XKR6: variants seen among roughly 807,000 people sequenced by gnomAD.
The protein encoded by XKR6 is XK related 6.
XKR6 carries 22 observed loss-of-function variants against 56.7 expected under a neutral mutation model. The ratio of observed to expected loss-of-function variants is 0.39; its 90% CI spans 0.28 to 0.55. XKR6 has a LOEUF of 0.55. XKR6 is among the 20% of genes least tolerant of loss of function. The pLI, the probability that XKR6 is intolerant of heterozygous loss-of-function variation, is 0.66. For missense variants in XKR6, 852 were observed against 889.0 expected (o/e 0.96, Z 0.53); for synonymous variants, 524 against 387.8 (o/e 1.35, Z -4.13).
chr8:10,993,994 A>G (rs1798053605), intron 1 of XKR6, among the ~76,000 whole-genome samples: 2 of 152,138 alleles, frequency 1.3e-5, no homozygotes, highest in Non-Finnish European at 2.9e-5. Flanking sequence ...CATGAGGCCT[A>G]TATCCTGTTT....
chr8:11,094,181 C>CG (rs1373110650), intron 1 of XKR6, among the ~76,000 whole-genome samples: 2 of 150,954 alleles, frequency 1.3e-5, no homozygotes, highest in African/African-American at 4.9e-5. Flanking sequence ...TTTAAAAAGA[C>CG]TTTCCATAAG....
chr8:10,998,929 G>T (rs1798176246), intron 1 of XKR6, among the ~76,000 whole-genome samples: 1 of 152,202 alleles, frequency 6.6e-6, no homozygotes, highest in African/African-American at 2.4e-5. Context: ...GACCAACTGT[G>T]TAGCCTGAGA....
intron 1 of XKR6, among the ~76,000 whole-genome samples, chr8:11,143,224 A>C (rs74485156): frequency 0.056 from 8,555 of 152,316 alleles, 316 homozygotes; most frequent in South Asian, 0.096. Context: ...CAGACGATAC[A>C]CATTCTGATA....
At position 11,045,126 on chromosome 8, in the gene XKR6, G is replaced by A. The variant is rs564877552; in HGVS notation, c.765-120296C>T. ...TTTTTTGAGGAAGTGTCGCTCTGTC[G>A]CCCAGGCCGGAGTGCAGTGGCACGA... On this transcript the variant is annotated intron_variant, in intron 1 of 2. Coordinates refer to ENST00000416569, the MANE Select transcript of XKR6 (RefSeq NM_173683.4). Among the ~76,000 whole-genome samples, 35 of 107,210 alleles carry A rather than the reference G, an allele frequency of 3.3e-4. 1 individual carries two copies. In the South Asian group the frequency reaches 9.1e-3, roughly 28 times the overall value. 70.3% of individuals were successfully genotyped at this position (107,210 alleles called of 152,430 possible).
intron 1 of XKR6, among the ~76,000 whole-genome samples, chr8:10,936,053 C>G (rs1016831172): frequency 6.6e-6 from 1 of 150,532 alleles, no homozygotes; most frequent in Non-Finnish European, 1.5e-5. Context: ...TTGTAGGTCA[C>G]TCAGGACTTG....
In XKR6 at chr8:11,069,604, G is replaced by A. The variant is rs76709726; in HGVS notation, c.764+130972C>T. On this transcript the variant is annotated intron_variant, in intron 1 of 2. Transcript: ENST00000416569. The stretch of plus-strand genomic sequence containing the variant: ...CCCTGCCCCCAAGCTGAGCATAAAA[G>A]AAAGCACCCTAGAGTGCCATCAGCC... Among the ~76,000 whole-genome samples the A allele has an allele frequency of 2.6e-4, 40 of 152,160 alleles. No individual in the cohort carries two copies. The East Asian group carries it at 7.7e-3, about 29-fold the overall frequency.
chr8:10,907,051 A>C (rs1038452825), intron 2 of XKR6, among the ~76,000 whole-genome samples: 1 of 152,148 alleles, frequency 6.6e-6, no homozygotes, highest in Non-Finnish European at 1.5e-5. Context: ...CATCTCAGAA[A>C]AAAAAAAGAA....
chr8:11,033,117 T>C (rs1018776142), intron 1 of XKR6, among the ~76,000 whole-genome samples: 2 of 150,692 alleles, frequency 1.3e-5, no homozygotes, highest in African/African-American at 5.0e-5. Flanking sequence ...GGATGAAGAT[T>C]ATCACGATGG....
chr8:10,906,477 C>CA (rs1238261733), intron 2 of XKR6, among the ~76,000 whole-genome samples: 1 of 151,944 alleles, frequency 6.6e-6, no homozygotes, highest in Non-Finnish European at 1.5e-5. Context: ...GAGAAAGCAA[C>CA]AAAAAAAGCA....
intron 1 of XKR6, among the ~76,000 whole-genome samples, chr8:11,028,069 A>T (rs11250111): frequency 0.25 from 38,574 of 151,798 alleles, 6,140 homozygotes; most frequent in African/African-American, 0.46. Flanking sequence ...TACATTATTA[A>T]CATACAGAGC....
At chr8:10,979,825 C>G (rs1295520695) in intron 1 of XKR6, among the ~76,000 whole-genome samples, 1 of 152,160 alleles carries the variant, frequency 6.6e-6, no homozygotes, top group South Asian at 2.1e-4. Context: ...AGGGCTGTGC[C>G]GTCACGCACA....
intron 1 of XKR6, among the ~76,000 whole-genome samples, chr8:10,950,882 C>A (rs1383462539): frequency 3.9e-5 from 6 of 152,164 alleles, no homozygotes; most frequent in Non-Finnish European, 8.8e-5. Context: ...GCCCATTGCA[C>A]AGGTACTGTC....
At chr8:11,008,269 G>A (rs1798418534) in intron 1 of XKR6, among the ~76,000 whole-genome samples, 1 of 152,148 alleles carries the variant, frequency 6.6e-6, no homozygotes, top group Non-Finnish European at 1.5e-5. Flanking sequence ...CCAACATGAT[G>A]CAAAAAGGCC....
chr8:11,033,069 G>T (rs1799031696), intron 1 of XKR6, among the ~76,000 whole-genome samples: 1 of 151,902 alleles, frequency 6.6e-6, no homozygotes, highest in South Asian at 2.1e-4. Flanking sequence ...GTAATGTGGT[G>T]GTGACGATGG....
intron 1 of XKR6, among the ~76,000 whole-genome samples, chr8:10,990,568 T>G (rs577861114): frequency 6.6e-6 from 1 of 152,158 alleles, no homozygotes; most frequent in Non-Finnish European, 1.5e-5. Flanking sequence ...GTGGAGCTGC[T>G]GGGGAATGTT....
At chr8:10,906,708 G>T (rs1800198445) in intron 2 of XKR6, among the ~76,000 whole-genome samples, 1 of 152,188 alleles carries the variant, frequency 6.6e-6, no homozygotes, top group South Asian at 2.1e-4. Context: ...TCACTTTAAT[G>T]CATCTCTGAC....
At chr8:11,114,197 G>T (rs545753133) in intron 1 of XKR6, 22 of 349,398 alleles carry the variant, frequency 6.3e-5, no homozygotes, top group South Asian at 4.8e-4. Context: ...ACAGAAAAAT[G>T]AAAATGTACA....
At chr8:11,017,006 G>A (rs955554572) in intron 1 of XKR6, among the ~76,000 whole-genome samples, 30 of 152,220 alleles carry the variant, frequency 2.0e-4, no homozygotes, top group Admixed American at 5.2e-4. Flanking sequence ...TAAGATGAAA[G>A]ATGTAGATGG....
chr8:11,037,838 A>C (rs1036024436), intron 1 of XKR6, among the ~76,000 whole-genome samples: 1 of 148,906 alleles, frequency 6.7e-6, no homozygotes, highest in Admixed American at 6.6e-5. Context: ...AGCCTGGATG[A>C]CAGAGCGAGA....
Sources: gnomAD v4.1 joint callset for allele counts (sites outside exome capture counted in the v4.1 genomes callset) on GRCh38, gnomAD v4.1.1 for gene constraint, MANE v1.5 for transcripts, NCBI Gene and HGNC (gene_info 2026-07-23, HGNC 2026-07-21) for gene names.